ELMO2: variants seen among roughly 807,000 people sequenced by gnomAD.
ELMO2 encodes engulfment and cell motility protein 2.
ELMO2 carries 37 observed loss-of-function variants against 96.2 expected under a neutral mutation model. That is an observed-to-expected ratio of 0.38 (90% CI 0.30 to 0.51). The LOEUF is 0.51. Ranked by LOEUF, ELMO2 falls within the 20% of genes least tolerant of loss-of-function variation. The probability of loss-of-function intolerance (pLI) is 0.88; values close to 1 mark genes in which losing one functional copy is unlikely to be tolerated. For missense variants in ELMO2, 561 were observed against 912.6 expected, an observed-to-expected ratio of 0.61 and a Z score of 4.96; for synonymous variants, 315 against 329.4, an observed-to-expected ratio of 0.96 and a Z score of 0.47.
chr20:46,390,609 G>A (rs2060134459), intron 6 of ELMO2: 2 of 152,118 alleles, frequency 1.3e-5, no homozygotes, highest in African/African-American at 2.4e-5. Context: ...CTTTCCTTCC[G>A]CTGAGCTCAT....
In ELMO2 at chr20:46,394,521, A is replaced by G. The variant is rs2145843459; in HGVS notation, c.-39T>C. ...CTCTAATTCTGCGAGACAAAAACAC[A>G]GACACGGCTGCCTGGGGAGAAAGAA... On this transcript the variant is annotated 5_prime_UTR_variant, in exon 3 of 22. Coordinates refer to ENST00000290246, the MANE Select transcript of ELMO2 (RefSeq NM_133171.5). The G allele has an allele frequency of 6.3e-7, 1 of 1,599,116 alleles. No individual in the cohort carries two copies. Among genetic ancestry groups the G allele is most frequent in the Non-Finnish European group, 8.6e-7 (1 of 1,166,298 alleles).
At chr20:46,393,255 G>C (rs2060184632) in intron 5 of ELMO2, 112 bp from the exon 6 acceptor site, 2 of 1,117,490 alleles carry the variant, frequency 1.8e-6, no homozygotes, top group Non-Finnish European at 2.7e-6. Flanking sequence ...TGTAACTGAG[G>C]ATCTTCAGTC....
intron 1 of ELMO2, among the ~76,000 whole-genome samples, chr20:46,399,201 G>A (rs1175139005): frequency 6.6e-6 from 1 of 152,148 alleles, no homozygotes. Context: ...GGAGATTTCT[G>A]GTTTGTGTAT....
chr20:46,375,352 A>G lies in ELMO2; in HGVS notation c.949T>C (p.Phe317Leu). Residue 317 changes from phenylalanine (F) to leucine (L), a missense_variant, in exon 13 of 22, where the codon TTT becomes CTT. By Grantham distance (22) the Phe-to-Leu change is conservative (BLOSUM62 0). Coordinates refer to ENST00000290246, the MANE Select transcript of ELMO2 (RefSeq NM_133171.5). The surrounding 1 kb of genome is among the most constrained non-coding windows in gnomAD (Gnocchi z 4.6). ...TCAAATGCAATCCTCCTCAGTTCAA[A>G]TATGATGTCCCTTTGAGCCTGCGAG... Reference protein sequence around the residue: ...PNDQAQRDIIFELRRIAFDAE... With the variant: ...PNDQAQRDIILELRRIAFDAE... The G allele has an allele frequency of 6.2e-7, 1 of 1,614,162 alleles. No individual in the cohort carries two copies. Among genetic ancestry groups the G allele is most frequent in the Middle Eastern group, 1.6e-4 (1 of 6,062 alleles).
chr20:46,384,815 A>C (rs979439129), intron 9 of ELMO2, among the ~76,000 whole-genome samples: 30 of 151,842 alleles, frequency 2.0e-4, no homozygotes, highest in Non-Finnish European at 2.5e-4. Flanking sequence ...AAAAAAAAAA[A>C]AACTAGCCAG....
rs572291176 is a variant in ELMO2, at chr20:46,368,184, A to G, written c.1963-624T>C. Among the ~76,000 whole-genome samples the G allele has an allele frequency of 3.9e-5, 6 of 152,062 alleles. No individual in the cohort carries two copies. In the East Asian group the frequency reaches 1.2e-3, roughly 29 times the overall value. ...TTGTTCTTCATTTCCTCTCAACCAA[A>G]TTCCACTAGCGGCAGCTCAGGCCCT... On this transcript the variant is annotated intron_variant, in intron 21 of 21. Transcript: ENST00000290246.
chr20:46,366,709 G>C lies in ELMO2; in HGVS notation c.*651C>G, dbSNP rs1218488046. ...TTGGCCAGGAGGTCTTTGACTTGCT[G>C]GGATGAGACTGAGCGCTTGCAGGGA... On this transcript the variant is annotated 3_prime_UTR_variant, in exon 22 of 22. Coordinates refer to ENST00000290246, the MANE Select transcript of ELMO2 (RefSeq NM_133171.5). 6.6e-6 allele frequency: 1 copy of C among 152,630 alleles called. No individual in the cohort carries two copies. The highest frequency in any genetic ancestry group is 2.4e-5 in the African/African-American group (1 of 41,458). The allele number at this position is 152,630 out of a possible 1,614,324, so 9.5% of individuals were successfully genotyped here. A position where few individuals can be genotyped will look rare whatever the true frequency, so the allele number is the denominator to read the frequency against.
intron 16 of ELMO2, chr20:46,373,096 A>C (rs2059762437): frequency 1.2e-5 from 4 of 325,106 alleles, no homozygotes. Flanking sequence ...GTAAGCACTC[A>C]ATAAACCACA....
At chr20:46,383,279 G>C (rs1307305156) in intron 10 of ELMO2, 137 bp downstream of exon 10, 1 of 907,234 alleles carries the variant, frequency 1.1e-6, no homozygotes, top group African/African-American at 1.6e-5. Context: ...ACCCTCCTGG[G>C]CTCCAGACCA....
chr20:46,380,292 A>G lies in ELMO2; in HGVS notation c.768T>C (p.Asn256=). Residue 256 remains asparagine (N), a synonymous_variant, in exon 11 of 22, where the codon AAT becomes AAC. Coordinates refer to ENST00000290246, the MANE Select transcript of ELMO2 (RefSeq NM_133171.5). ...APEDKRQDMA[N]AFAQKHLRSI... ...ACCGGAGATGCTTCTGTGCAAATGC[A>G]TTTGCCATATCCTGTGGAGGAAAAT... The G allele has an allele frequency of 1.9e-6, 3 of 1,613,652 alleles. No homozygotes were observed. Among genetic ancestry groups the G allele is most frequent in the Non-Finnish European group, 2.5e-6 (3 of 1,179,636 alleles).
intron 2 of ELMO2, among the ~76,000 whole-genome samples, chr20:46,395,511 A>T (rs1735448531): frequency 6.6e-6 from 1 of 152,190 alleles, no homozygotes; most frequent in Admixed American, 6.5e-5. Context: ...ATTCACCCAC[A>T]ATTCATGCCT....
At position 46,375,430 on chromosome 20, in the gene ELMO2, A is replaced by C. The variant is rs1201154663; in HGVS notation, c.931-60T>G. ...GGCTAACCAAGGGAGCAAGGAAAAG[A>C]AACAGTGGGTCAGGCTTTTCTGGGC... On this transcript the variant is annotated intron_variant, in intron 12 of 21. Coordinates refer to ENST00000290246, the MANE Select transcript of ELMO2 (RefSeq NM_133171.5). This position sits in a 1 kb window ranked among gnomAD's most constrained non-coding sequence, Gnocchi z 4.6. 6.3e-7 allele frequency: 1 copy of C among 1,596,578 alleles called. No homozygotes were observed.
chr20:46,370,125 T>C (rs2059671502), intron 20 of ELMO2: 1 of 457,774 alleles, frequency 2.2e-6, no homozygotes, highest in Admixed American at 3.6e-5. Flanking sequence ...CTGTTATGTG[T>C]GCTAATGGAC....
rs1485081332 is a variant in ELMO2 at position 46,387,201 on chromosome 20, G to A, written c.525+137C>T. On this transcript the variant is annotated intron_variant, in intron 8 of 21. Coordinates refer to ENST00000290246, the MANE Select transcript of ELMO2 (RefSeq NM_133171.5). ...CTTTCAGAAGCCACAGAAGACTAGA[G>A]CTTGAGGATGAAAAATCTGGCCCCA... The A allele has an allele frequency of 4.4e-6, 3 of 674,244 alleles. No homozygotes were observed. The East Asian group carries it at 8.3e-5, about 19-fold the overall frequency. The allele number at this position is 674,244 out of a possible 1,614,324, so 41.8% of individuals were successfully genotyped here.
chr20:46,381,020 C>T (rs1328948355), intron 10 of ELMO2, among the ~76,000 whole-genome samples: 1 of 152,130 alleles, frequency 6.6e-6, no homozygotes, highest in Admixed American at 6.5e-5. Flanking sequence ...TTTGACCATT[C>T]TTATGCAAAT....
In ELMO2 at chr20:46,375,813, G is replaced by A; in HGVS notation, c.808-23C>T. 5 of 1,613,910 alleles carry A rather than the reference G, an allele frequency of 3.1e-6. No individual in the cohort carries two copies. The highest frequency in any genetic ancestry group is 4.2e-6 in the Non-Finnish European group (5 of 1,179,932). On this transcript the variant is annotated intron_variant, in intron 11 of 21. Coordinates refer to ENST00000290246, the MANE Select transcript of ELMO2 (RefSeq NM_133171.5). The surrounding 1 kb of genome is among the most constrained non-coding windows in gnomAD (Gnocchi z 4.6). ...ATGCTAGAAAAAGCACAGGCAGGGA[G>A]CAGGGGACTGAACTGATCTCTTTTA...
intron 2 of ELMO2, among the ~76,000 whole-genome samples, chr20:46,398,293 T>C (rs2060280454): frequency 6.6e-6 from 1 of 152,158 alleles, no homozygotes; most frequent in Non-Finnish European, 1.5e-5. Context: ...AACGTACAGG[T>C]AGCCTCTTTA....
At chr20:46,398,437 T>C (rs2060283425) in intron 2 of ELMO2, among the ~76,000 whole-genome samples, 1 of 152,180 alleles carries the variant, frequency 6.6e-6, no homozygotes, top group Non-Finnish European at 1.5e-5. Flanking sequence ...CTCAGCTTCC[T>C]GAGTAGCTGG....
chr20:46,392,969 T>C, intron 6 of ELMO2, 124 bp downstream of exon 6: 1 of 852,894 alleles, frequency 1.2e-6, no homozygotes, highest in South Asian at 1.6e-5. Context: ...TACTATTTCC[T>C]GATACAAAAA....
Sources: gnomAD v4.1 joint callset for allele counts (sites outside exome capture counted in the v4.1 genomes callset) on GRCh38, gnomAD v4.1.1 for gene constraint, Gnocchi (gnomAD v3.1) non-coding constraint, MANE v1.5 for transcripts, NCBI Gene and HGNC (gene_info 2026-07-23, HGNC 2026-07-21) for gene names.